CPNE4: variants seen among roughly 807,000 people sequenced by gnomAD.
CPNE4 encodes the protein copine 4, also known as copine-4.
CPNE4 carries 25 observed loss-of-function variants against 67.9 expected under a neutral mutation model. The ratio of observed to expected loss-of-function variants is 0.37; its 90% CI spans 0.27 to 0.51. The LOEUF is 0.51. Ranked by LOEUF, CPNE4 falls within the 20% of genes least tolerant of loss-of-function variation. The pLI is 0.93. For missense variants in CPNE4, 464 were observed against 690.8 expected (o/e 0.67, Z 3.68); for synonymous variants, 242 against 244.9 (o/e 0.99, Z 0.11).
upstream of CPNE4, chr3:132,037,644 C>A: frequency 1.3e-6 from 2 of 1,527,098 alleles, no homozygotes; most frequent in Non-Finnish European, 8.8e-7. Context: ...CACAAAGTCA[C>A]TGTGGCCCTG....
At chr3:131,560,451 C>T (rs1936701948) in intron 11 of CPNE4, among the ~76,000 whole-genome samples, 1 of 152,004 alleles carries the variant, frequency 6.6e-6, no homozygotes, top group Non-Finnish European at 1.5e-5. Context: ...AAGCTGAAGG[C>T]CAAATTCTGA....
At chr3:131,880,175 G>A (rs9828533) in intron 2 of CPNE4, among the ~76,000 whole-genome samples, 93,103 of 147,712 alleles carry the variant, frequency 0.63, 29,561 homozygotes, top group Admixed American at 0.72. Flanking sequence ...TGCCCAGGCT[G>A]CAGTGCAGTG....
chr3:131,739,846 C>A (rs4854834), intron 2 of CPNE4, among the ~76,000 whole-genome samples: 43,738 of 152,132 alleles, frequency 0.29, 6,403 homozygotes, highest in Middle Eastern at 0.32. Flanking sequence ...CAATGCTGAA[C>A]ACAAAGCCAG....
At chr3:131,952,729 G>A (rs561895947) in intron 1 of CPNE4, among the ~76,000 whole-genome samples, 8,365 of 151,930 alleles carry the variant, frequency 0.055, 463 homozygotes, top group African/African-American at 0.14. Context: ...CCACCACCCC[G>A]TCTGGGAGGT....
chr3:131,571,514 A>AGGTC (rs1937337237), intron 10 of CPNE4, among the ~76,000 whole-genome samples: 2 of 152,004 alleles, frequency 1.3e-5, no homozygotes, highest in African/African-American at 4.8e-5. Context: ...TTCCCTGACC[A>AGGTC]GGTCCACTAT....
At chr3:131,684,039 G>A (rs1042305009) in intron 6 of CPNE4, among the ~76,000 whole-genome samples, 3 of 152,152 alleles carry the variant, frequency 2.0e-5, no homozygotes, top group Non-Finnish European at 2.9e-5. Flanking sequence ...TGAGGGAGGA[G>A]TAGTATCAAC....
intron 10 of CPNE4, among the ~76,000 whole-genome samples, chr3:131,572,065 A>C (rs550228089): frequency 1.2e-4 from 19 of 152,116 alleles, no homozygotes; most frequent in African/African-American, 4.6e-4. Flanking sequence ...AATTATTACA[A>C]TTCAGCAAAA....
At chr3:131,683,729 C>T (rs1455964949) in intron 6 of CPNE4, among the ~76,000 whole-genome samples, 4 of 152,038 alleles carry the variant, frequency 2.6e-5, no homozygotes, top group Non-Finnish European at 5.9e-5. Flanking sequence ...CCAGTACTTG[C>T]CCAGGAATTG....
intron 7 of CPNE4, among the ~76,000 whole-genome samples, chr3:131,663,183 C>G (rs145627264): frequency 6.6e-6 from 1 of 152,076 alleles, no homozygotes; most frequent in Non-Finnish European, 1.5e-5. Flanking sequence ...AAGCTGGAAG[C>G]CATCATCCTC....
chr3:131,899,292 G>T (rs2088461251), intron 2 of CPNE4, among the ~76,000 whole-genome samples: 1 of 152,052 alleles, frequency 6.6e-6, no homozygotes, highest in Non-Finnish European at 1.5e-5. Context: ...AAGGAGGGAA[G>T]ATGCTAATTA....
At chr3:131,637,095 C>T (rs984926671) in intron 7 of CPNE4, among the ~76,000 whole-genome samples, 1 of 152,106 alleles carries the variant, frequency 6.6e-6, no homozygotes, top group African/African-American at 2.4e-5. Flanking sequence ...TGAGAAGGAA[C>T]CAGAAAAACA....
At chr3:131,745,733 T>A (rs1176234507) in intron 2 of CPNE4, among the ~76,000 whole-genome samples, 1 of 152,148 alleles carries the variant, frequency 6.6e-6, no homozygotes, top group Non-Finnish European at 1.5e-5. Flanking sequence ...GTTTCTCTGT[T>A]GTTCTGTTAC....
rs181852211 is a variant in CPNE4, at chr3:131,928,060, T to C, written c.-1-22616A>G. 1.4e-3 allele frequency among the ~76,000 whole-genome samples: 206 copies of C among 152,298 alleles called. 2 individuals carry two copies. The highest frequency in any genetic ancestry group is 4.9e-3 in the African/African-American group (205 of 41,574). ...TTATAGGTGATTTTAATTTTTAGCA[T>C]TGCGAATTTTGGTATTTTCTAAGTT... On this transcript the variant is annotated intron_variant, in intron 1 of 15. Coordinates refer to ENST00000429747, the MANE Select transcript of CPNE4 (RefSeq NM_130808.3).
At chr3:131,805,885 A>G (rs553911395) in intron 2 of CPNE4, among the ~76,000 whole-genome samples, 37 of 152,370 alleles carry the variant, frequency 2.4e-4, no homozygotes, top group Middle Eastern at 3.4e-3. Flanking sequence ...TGTCATATCT[A>G]TGAATGTGGA....
intron 1 of CPNE4, among the ~76,000 whole-genome samples, chr3:131,929,807 A>G (rs892458369): frequency 3.9e-5 from 6 of 152,158 alleles, no homozygotes; most frequent in African/African-American, 1.2e-4. Context: ...GCTCTCCTGG[A>G]GATGCAAAGC....
chr3:131,775,479 C>A (rs558340750), intron 2 of CPNE4, among the ~76,000 whole-genome samples: 12 of 152,184 alleles, frequency 7.9e-5, no homozygotes, highest in African/African-American at 2.9e-4. Context: ...GTAGCTCCCA[C>A]AATTCCCAAT....
chr3:131,967,574 C>A (rs1397773221), intron 1 of CPNE4, among the ~76,000 whole-genome samples: 1 of 152,046 alleles, frequency 6.6e-6, no homozygotes, highest in Admixed American at 6.6e-5. Flanking sequence ...TCCTATACAC[C>A]AATAATAGAC....
chr3:132,033,551 G>A (rs906626726), intron 1 of CPNE4, among the ~76,000 whole-genome samples: 1 of 151,894 alleles, frequency 6.6e-6, no homozygotes, highest in African/African-American at 2.4e-5. Flanking sequence ...CCCACATCAA[G>A]CCCTTCATAG....
chr3:131,777,569 C>T (rs72985858), intron 2 of CPNE4, among the ~76,000 whole-genome samples: 1 of 151,966 alleles, frequency 6.6e-6, no homozygotes, highest in African/African-American at 2.4e-5. Context: ...AGACTAAGTG[C>T]CTTTCTAGGG....
Sources: allele counts gnomAD v4.1 joint callset (sites outside exome capture counted in the v4.1 genomes callset), GRCh38; gene constraint gnomAD v4.1.1; transcripts MANE v1.5; gene names NCBI Gene and HGNC (gene_info 2026-07-23, HGNC 2026-07-21).